AGBL1: variants seen among roughly 807,000 people sequenced by gnomAD.
AGBL1 encodes cytosolic carboxypeptidase 4.
AGBL1 carries 130 observed loss-of-function variants against 118.9 expected under a neutral mutation model. The ratio of observed to expected loss-of-function variants is 1.09; its 90% CI spans 0.95 to 1.26. AGBL1 has a LOEUF of 1.26. Among genes scored for constraint, AGBL1 ranks in the 50% most tolerant of loss-of-function variants. The pLI, the probability that AGBL1 is intolerant of heterozygous loss-of-function variation, is 0.00. For synonymous variants in AGBL1, 555 were observed against 478.9 expected, an observed-to-expected ratio of 1.16 and a Z score of -2.08; for missense variants, 1,584 against 1,298.1, an observed-to-expected ratio of 1.22 and a Z score of -3.38.
intron 16 of AGBL1, among the ~76,000 whole-genome samples, chr15:86,283,376 TG>T (rs2079386293): frequency 1.3e-5 from 2 of 151,590 alleles, no homozygotes; most frequent in Admixed American, 6.6e-5. Flanking sequence ...GTCCATGTAT[TG>T]GGGGAGCTTA....
At chr15:86,506,744 A>G (rs1280414297) in intron 18 of AGBL1, among the ~76,000 whole-genome samples, 1 of 152,082 alleles carries the variant, frequency 6.6e-6, no homozygotes, top group Non-Finnish European at 1.5e-5. Context: ...GGAGCCTTAG[A>G]GGGAGGGGAG....
intron 24 of AGBL1, among the ~76,000 whole-genome samples, chr15:87,019,713 C>A (rs1023795508): frequency 2.6e-5 from 4 of 151,874 alleles, no homozygotes; most frequent in Admixed American, 2.6e-4. Flanking sequence ...ACTAAAAGAA[C>A]AAGAGGACCA....
At chr15:86,366,169 A>G (rs2080884776) in intron 17 of AGBL1, among the ~76,000 whole-genome samples, 1 of 152,092 alleles carries the variant, frequency 6.6e-6, no homozygotes, top group Non-Finnish European at 1.5e-5. Flanking sequence ...CTGTAACACA[A>G]TCCTCCCCTA....
intron 17 of AGBL1, among the ~76,000 whole-genome samples, chr15:86,335,147 T>TC (rs1373508634): frequency 6.6e-6 from 1 of 152,034 alleles, no homozygotes; most frequent in East Asian, 1.9e-4. Context: ...AGTTATTTTT[T>TC]TTTTTTTTGA....
chr15:86,283,391 A>G (rs2079386649), intron 16 of AGBL1, among the ~76,000 whole-genome samples: 1 of 151,948 alleles, frequency 6.6e-6, no homozygotes, highest in Admixed American at 6.6e-5. Context: ...GAGCTTAAGG[A>G]TCTTAAAGGA....
intron 22 of AGBL1, among the ~76,000 whole-genome samples, chr15:86,724,729 C>G (rs973987147): frequency 6.6e-6 from 1 of 152,076 alleles, no homozygotes; most frequent in Non-Finnish European, 1.5e-5. Flanking sequence ...GAGTGGATCC[C>G]TCATGAATGG....
chr15:86,654,701 C>T (rs563550294), intron 21 of AGBL1, among the ~76,000 whole-genome samples: 25 of 152,198 alleles, frequency 1.6e-4, no homozygotes, highest in Non-Finnish European at 2.9e-4. Flanking sequence ...TAGGTGTCAC[C>T]GATGCTCTCC....
In AGBL1 at chr15:86,996,867, A is replaced by T. The variant is rs992216593; in HGVS notation, c.3323+8779A>T. Among the ~76,000 whole-genome samples, 8 of 152,296 alleles carry T rather than the reference A, an allele frequency of 5.3e-5. No homozygotes were observed. In the East Asian group the frequency reaches 1.4e-3, roughly 26 times the overall value. ...ACTTTGGAGTTCATCACCATTAAAA[A>T]CAATGACAAAACTTGTGGATTTTGT... is the stretch of plus-strand genomic sequence containing the variant. On this transcript the variant is annotated intron_variant, in intron 24 of 24. Transcript: ENST00000441037.
intron 7 of AGBL1, among the ~76,000 whole-genome samples, chr15:86,249,452 C>T (rs150923053): frequency 6.6e-6 from 1 of 152,314 alleles, no homozygotes; most frequent in African/African-American, 2.4e-5. Flanking sequence ...ATCTAACTCC[C>T]TATCTGCTAT....
In AGBL1 at chr15:86,967,893, T is replaced by C. The variant is rs555236218; in HGVS notation, c.3222-20094T>C. Among the ~76,000 whole-genome samples the C allele has an allele frequency of 6.6e-5, 10 of 152,236 alleles. No homozygotes were observed. In the East Asian group the frequency reaches 1.5e-3, roughly 24 times the overall value. ...CATTGGTAGCTTGATGGGGATGGCA[T>C]TGAATGTATAAATTACCTTGGGCAG... On this transcript the variant is annotated intron_variant, in intron 23 of 24. Transcript: ENST00000441037.
rs10667570 is a variant in AGBL1 at position 86,244,063 on chromosome 15, G to GTAAATAAATAAATAAATAAA, written c.527-3601_527-3582dup. 2.1e-5 allele frequency among the ~76,000 whole-genome samples: 3 copies of GTAAATAAATAAATAAATAAA among 143,894 alleles called. No individual in the cohort carries two copies. The East Asian group carries it at 6.0e-4, about 29-fold the overall frequency. The allele number at this position is 143,894 out of a possible 152,430, so 94.4% of individuals were successfully genotyped here. A position where few individuals can be genotyped will look rare whatever the true frequency, so the allele number is the denominator to read the frequency against. On this transcript the variant is annotated intron_variant, in intron 6 of 22. Coordinates refer to ENST00000614907, the MANE Select transcript of AGBL1 (RefSeq NM_001386094.1). Reference sequence around the variant, plus strand: ...GATAGATAGATAGATAGATAAATAAGTAAATAAATAAATAAATAAATAAAT... The same window carrying GTAAATAAATAAATAAATAAA: ...GATAGATAGATAGATAGATAAATAAGTAAATAAATAAATAAATAAATAAATAAATAAATAAATAAATAAAT...
At chr15:86,820,001 A>G (rs1244917362) in intron 22 of AGBL1, among the ~76,000 whole-genome samples, 1 of 152,180 alleles carries the variant, frequency 6.6e-6, no homozygotes, top group African/African-American at 2.4e-5. Flanking sequence ...ATCTACAACC[A>G]TCTGATCTTT....
rs944575453 is a variant in AGBL1 at position 86,262,852 on chromosome 15, G to A, written c.1044G>A (p.Met348Ile). ...PGLDRPEEEL[M>I]QYEVMCLELS... ...TTGACCGACCTGAAGAGGAACTGAT[G>A]CAATATGAGGTGATGTGTCTTGAGC... The change falls in exon 10 of 23, where the codon ATG becomes ATA. Residue 348 changes from methionine (M) to isoleucine (I), a missense_variant. By Grantham distance (10) the Met-to-Ile change is conservative. Coordinates refer to ENST00000614907, the MANE Select transcript of AGBL1 (RefSeq NM_001386094.1). 8.1e-6 allele frequency: 13 copies of A among 1,610,586 alleles called. No individual in the cohort carries two copies. The highest frequency in any genetic ancestry group is 1.0e-5 in the Non-Finnish European group (12 of 1,178,586).
chr15:87,029,936 A>G (rs115073950), downstream of AGBL1, among the ~76,000 whole-genome samples: 1,241 of 152,072 alleles, frequency 8.2e-3, 20 homozygotes, highest in African/African-American at 0.028. Flanking sequence ...TAGGATGTTA[A>G]TGAAGATACA....
chr15:86,529,513 A>G (rs1210552748), intron 19 of AGBL1, among the ~76,000 whole-genome samples: 10 of 134,530 alleles, frequency 7.4e-5, no homozygotes, highest in Admixed American at 6.9e-4. Flanking sequence ...CGGAGAATGG[A>G]ACCAAATTGG....
At chr15:86,435,366 T>C (rs1004515403) in intron 18 of AGBL1, among the ~76,000 whole-genome samples, 1 of 152,170 alleles carries the variant, frequency 6.6e-6, no homozygotes, top group African/African-American at 2.4e-5. Flanking sequence ...CACTAAGTAT[T>C]GTGAGGATTA....
chr15:86,136,283 T>C (rs901846650), intron 1 of AGBL1, among the ~76,000 whole-genome samples: 1 of 152,212 alleles, frequency 6.6e-6, no homozygotes, highest in Non-Finnish European at 1.5e-5. Context: ...AACAGAGATA[T>C]AAGAAAATAA....
At chr15:86,659,708 G>A (rs997106000) in intron 21 of AGBL1, among the ~76,000 whole-genome samples, 8 of 152,138 alleles carry the variant, frequency 5.3e-5, no homozygotes, top group African/African-American at 1.4e-4. Flanking sequence ...CAAGGTTGGA[G>A]GCAGGCAGGA....
intron 14 of AGBL1, among the ~76,000 whole-genome samples, chr15:86,270,911 A>C (rs1478618227): frequency 6.6e-6 from 1 of 152,090 alleles, no homozygotes; most frequent in Admixed American, 6.5e-5. Context: ...ATTCCAGGGG[A>C]AACTCCATTT....
Sources: allele counts gnomAD v4.1 joint callset (sites outside exome capture counted in the v4.1 genomes callset), GRCh38; gene constraint gnomAD v4.1.1; transcripts MANE v1.5; gene names NCBI Gene and HGNC (gene_info 2026-07-23, HGNC 2026-07-21).